ABCB7: variants seen among roughly 807,000 people sequenced by gnomAD.
ABCB7 encodes iron-sulfur clusters transporter ABCB7, mitochondrial.
ABCB7 carries 7 observed loss-of-function variants against 54.4 expected under a neutral mutation model. The ratio of observed to expected loss-of-function variants is 0.13; its 90% confidence interval spans 0.07 to 0.24. The LOEUF (loss-of-function observed/expected upper bound fraction) is 0.24, where lower values mean the gene tolerates loss of function less well. ABCB7 is among the 10% of genes least tolerant of loss of function. The pLI is 1.00. For synonymous variants in ABCB7, 218 were observed against 207.1 expected (o/e 1.05, Z -0.45); for missense variants, 356 against 570.4 (o/e 0.62, Z 3.83).
intron 1 of ABCB7, among the ~76,000 whole-genome samples, chrX:75,138,849 A>C (rs1289659914): frequency 3.6e-5 from 4 of 109,799 alleles, no homozygotes; most frequent in African/African-American, 1.0e-4. Flanking sequence ...CTCTTCCAAA[A>C]TACAAAAAAT....
At chrX:75,076,203 C>T (rs1001482120) in intron 5 of ABCB7, among the ~76,000 whole-genome samples, 1 of 111,541 alleles carries the variant, frequency 9.0e-6, no homozygotes, top group South Asian at 3.7e-4. Flanking sequence ...GCTAACAATG[C>T]CAGCAAGAAA....
intron 1 of ABCB7, among the ~76,000 whole-genome samples, chrX:75,119,601 C>T (rs1031610576): frequency 7.2e-5 from 8 of 111,790 alleles, no homozygotes; most frequent in African/African-American, 2.3e-4. Context: ...CAATAATGCA[C>T]AAATGCAATG....
chrX:75,153,745 T>C (rs1322159854), intron 1 of ABCB7, among the ~76,000 whole-genome samples: 2 of 33,085 alleles, frequency 6.0e-5, no homozygotes, highest in Non-Finnish European at 1.5e-4. Context: ...TGTGTGTGTG[T>C]GCGTGTGTGT....
Position 75,053,105 on chromosome X carries a change from G to A in ABCB7, c.*265C>T. 2 of 366,883 alleles carry A rather than the reference G, an allele frequency of 5.5e-6. No individual in the cohort carries two copies. The highest frequency in any genetic ancestry group is 9.4e-6 in the Non-Finnish European group (2 of 211,808). 30.2% of individuals were successfully genotyped at this position (366,883 alleles called of 1,213,427 possible). A position where few individuals can be genotyped will look rare whatever the true frequency, so the allele number is the denominator to read the frequency against. On this transcript the variant is annotated 3_prime_UTR_variant, in exon 16 of 16. Coordinates refer to ENST00000373394, the MANE Select transcript of ABCB7 (RefSeq NM_001271696.3). ...ATCAAATGAATGTCAGGCCTCAAGA[G>A]GGTAATGTGGTAATATCAAACAGGT... is the stretch of plus-strand genomic sequence containing the variant.
intron 1 of ABCB7, among the ~76,000 whole-genome samples, chrX:75,126,283 G>C (rs1020901940): frequency 1.9e-4 from 21 of 112,000 alleles, no homozygotes; most frequent in Non-Finnish European, 3.4e-4. Flanking sequence ...TTATGCTATA[G>C]TTTACACTCT....
intron 1 of ABCB7, among the ~76,000 whole-genome samples, chrX:75,119,909 T>C (rs2081859862): frequency 8.9e-6 from 1 of 112,078 alleles, no homozygotes; most frequent in Admixed American, 9.5e-5. Context: ...AAAGGTGGTT[T>C]ATAGTCAGCT....
intron 4 of ABCB7, among the ~76,000 whole-genome samples, chrX:75,090,585 A>C (rs937967347): frequency 7.2e-5 from 8 of 110,440 alleles, no homozygotes; most frequent in African/African-American, 2.6e-4. Context: ...AAATAGAAAA[A>C]AAAAAGCGCA....
chrX:75,075,776 A>G lies in ABCB7; in HGVS notation c.587-146T>C, dbSNP rs911694346. 16 of 605,814 alleles carry G rather than the reference A, an allele frequency of 2.6e-5. No individual in the cohort carries two copies. In the African/African-American group the frequency reaches 3.7e-4, roughly 14 times the overall value. 49.9% of individuals were successfully genotyped at this position (605,814 alleles called of 1,213,427 possible). On this transcript the variant is annotated intron_variant, in intron 5 of 15. Coordinates refer to ENST00000373394, the MANE Select transcript of ABCB7 (RefSeq NM_001271696.3). ...AGAATATTTACAATAAAAGAAACCT[A>G]GAAATAATCTAGCCTAATGAGTATT...
chrX:75,079,711 G>T (rs1453959252), intron 4 of ABCB7, among the ~76,000 whole-genome samples: 1 of 111,504 alleles, frequency 9.0e-6, no homozygotes, highest in Non-Finnish European at 1.9e-5. Context: ...TTGTATTCAT[G>T]TGTATCTGTG....
chrX:75,097,711 T>C (rs559167771), intron 4 of ABCB7, among the ~76,000 whole-genome samples: 7 of 111,984 alleles, frequency 6.3e-5, no homozygotes, highest in African/African-American at 2.3e-4. Flanking sequence ...AGCCAAATCA[T>C]AGCCAAACCT....
chrX:75,058,759 C>T lies in ABCB7; in HGVS notation c.2043+1464G>A, dbSNP rs191692593. On this transcript the variant is annotated intron_variant, in intron 15 of 15. Transcript: ENST00000373394. ...TTACATGGCATGAGGCAGGTAATTA[C>T]ATGGCATGAGGCAGGTAATCACATG... 1.1e-3 allele frequency among the ~76,000 whole-genome samples: 127 copies of T among 111,471 alleles called. 1 individual carries two copies. The highest frequency in any genetic ancestry group is 3.9e-3 in the African/African-American group (120 of 30,697).
intron 1 of ABCB7, among the ~76,000 whole-genome samples, chrX:75,119,508 T>C (rs1012957404): frequency 8.9e-6 from 1 of 112,270 alleles, no homozygotes; most frequent in African/African-American, 3.2e-5. Flanking sequence ...TTATAAAAGG[T>C]TTATGAGAAT....
chrX:75,072,256 C>T (rs5937319), intron 8 of ABCB7, among the ~76,000 whole-genome samples: 3,068 of 111,540 alleles, frequency 0.028, 47 homozygotes, highest in Middle Eastern at 0.064. Context: ...AATTTATATG[C>T]CAGTTTGATT....
chrX:75,106,441 T>C (rs1418707462), intron 3 of ABCB7, among the ~76,000 whole-genome samples: 2 of 112,076 alleles, frequency 1.8e-5, no homozygotes, highest in East Asian at 2.8e-4. Flanking sequence ...ATGGCTATTA[T>C]TAAATAATTA....
At chrX:75,085,291 A>G (rs1461863218) in intron 4 of ABCB7, among the ~76,000 whole-genome samples, 2 of 112,607 alleles carry the variant, frequency 1.8e-5, no homozygotes, top group South Asian at 3.7e-4. Context: ...GGTATATCCA[A>G]TAACATGGAT....
At chrX:75,138,975 G>C (rs1047669468) in intron 1 of ABCB7, among the ~76,000 whole-genome samples, 1 of 97,845 alleles carries the variant, frequency 1.0e-5, no homozygotes. Context: ...GCCACTGCAC[G>C]TCAGCAGGGC....
chrX:75,068,888 G>A (rs2081342078), intron 12 of ABCB7, 119 bp downstream of exon 12: 1 of 834,949 alleles, frequency 1.2e-6, no homozygotes, highest in Non-Finnish European at 1.7e-6. Context: ...TTCACTGGTA[G>A]GGTCTAATAC....
At chrX:75,119,855 T>C (rs2081859526) in intron 1 of ABCB7, among the ~76,000 whole-genome samples, 1 of 112,138 alleles carries the variant, frequency 8.9e-6, no homozygotes, top group Non-Finnish European at 1.9e-5. Context: ...CCTAAGACTT[T>C]TTAATATCCA....
intron 4 of ABCB7, among the ~76,000 whole-genome samples, chrX:75,097,742 A>G (rs2081604163): frequency 8.9e-6 from 1 of 111,904 alleles, no homozygotes; most frequent in Admixed American, 9.5e-5. Flanking sequence ...CATTTTAAGC[A>G]AACACTTTTT....
Sources: gnomAD v4.1 joint callset for allele counts (sites outside exome capture counted in the v4.1 genomes callset) on GRCh38, gnomAD v4.1.1 for gene constraint, MANE v1.5 for transcripts, NCBI Gene and HGNC (gene_info 2026-07-23, HGNC 2026-07-21) for gene names.